The following PPP1R16B variants were observed in gnomAD, a reference collection of about 807,000 sequenced individuals.
The protein encoded by PPP1R16B is protein phosphatase 1 regulatory inhibitor subunit 16B.
PPP1R16B carries 14 observed loss-of-function variants against 61.7 expected under a neutral mutation model. That is an observed-to-expected ratio of 0.23 (90% CI 0.15 to 0.35). The LOEUF (loss-of-function observed/expected upper bound fraction) is 0.35. Ranked by LOEUF, PPP1R16B falls within the 10% of genes least tolerant of loss-of-function variation. The pLI is 1.00. For missense variants in PPP1R16B, 547 were observed against 752.5 expected, an observed-to-expected ratio of 0.73 and a Z score of 3.19; for synonymous variants, 266 against 305.3, an observed-to-expected ratio of 0.87 and a Z score of 1.34.
chr20:38,866,604 T>C (rs1241154096), intron 2 of PPP1R16B, among the ~76,000 whole-genome samples: 1 of 152,068 alleles, frequency 6.6e-6, no homozygotes, highest in Non-Finnish European at 1.5e-5. Context: ...CTTTTTCCCA[T>C]GGAGGGGATA....
intron 10 of PPP1R16B, among the ~76,000 whole-genome samples, chr20:38,916,531 T>C (rs1475727776): frequency 6.6e-6 from 1 of 151,854 alleles, no homozygotes; most frequent in African/African-American, 2.4e-5. Flanking sequence ...AGCATGCCAA[T>C]AGAAGTACTG....
intron 1 of PPP1R16B, among the ~76,000 whole-genome samples, chr20:38,828,986 T>C (rs1338687663): frequency 6.6e-6 from 1 of 152,194 alleles, no homozygotes; most frequent in Non-Finnish European, 1.5e-5. Context: ...AGAAGTGTGT[T>C]GTGGGAAGGC....
intron 2 of PPP1R16B, among the ~76,000 whole-genome samples, chr20:38,854,001 G>C (rs146330161): frequency 1.3e-5 from 2 of 152,252 alleles, no homozygotes; most frequent in Non-Finnish European, 2.9e-5. Flanking sequence ...CTATACAAGC[G>C]CTTGGGTACT....
intron 1 of PPP1R16B, among the ~76,000 whole-genome samples, chr20:38,817,565 C>CA (rs773898309): frequency 0.091 from 4,587 of 50,214 alleles, 150 homozygotes; most frequent in South Asian, 0.15. Flanking sequence ...AACTCCATCT[C>CA]AAAAAAAAAA....
chr20:38,918,451 T>A lies in PPP1R16B; in HGVS notation c.1489T>A (p.Phe497Ile). Reference protein sequence around the residue: ...RAAAKLLSHPFLSTHLGSSMA... With the variant: ...RAAAKLLSHPILSTHLGSSMA... ...TGCAGCCAAGCTGCTCAGCCACCCC[T>A]TCCTTAGCACACACCTGGGCAGCAG... The change falls in exon 11 of 11, where the codon TTC becomes ATC. Residue 497 changes from phenylalanine to isoleucine, a missense_variant. Coordinates refer to ENST00000299824, the MANE Select transcript of PPP1R16B (RefSeq NM_015568.4). The surrounding 1 kb of genome is among the most constrained non-coding windows in gnomAD (Gnocchi z 5.3). 6.2e-7 allele frequency: 1 copy of A among 1,614,158 alleles called. No individual in the cohort carries two copies. Among genetic ancestry groups the A allele is most frequent in the East Asian group, 2.2e-5 (1 of 44,886 alleles).
At chr20:38,823,886 G>A (rs1161017792) in intron 1 of PPP1R16B, among the ~76,000 whole-genome samples, 4 of 151,818 alleles carry the variant, frequency 2.6e-5, no homozygotes, top group African/African-American at 7.3e-5. Context: ...TCCTCTTACC[G>A]TCATGCCTCC....
chr20:38,806,121 T>A lies in PPP1R16B; in HGVS notation c.-102+329T>A, dbSNP rs900070517. Among the ~76,000 whole-genome samples the A allele has an allele frequency of 2.6e-5, 4 of 151,968 alleles. No homozygotes were observed. Among genetic ancestry groups the A allele is most frequent in the African/African-American group, 9.7e-5 (4 of 41,390 alleles). ...ATCTTGGGGCGGGGAGGTGGGGTCC[T>A]CGGTCTGTTCTGGACTCATGGGGCC... is the stretch of plus-strand genomic sequence containing the variant. On this transcript the variant is annotated intron_variant, in intron 1 of 10. Transcript: ENST00000299824. This position sits in a 1 kb window ranked among gnomAD's most constrained non-coding sequence, Gnocchi z 4.5.
At chr20:38,809,063 T>G (rs1018522114) in intron 1 of PPP1R16B, among the ~76,000 whole-genome samples, 10 of 151,900 alleles carry the variant, frequency 6.6e-5, no homozygotes, top group African/African-American at 2.2e-4. Context: ...AAGTGCTCAG[T>G]ACAGCATCTG....
chr20:38,911,802 G>A (rs1406354687), intron 10 of PPP1R16B, among the ~76,000 whole-genome samples: 2 of 152,166 alleles, frequency 1.3e-5, no homozygotes, highest in Admixed American at 1.3e-4. Flanking sequence ...CTCCCAAAGT[G>A]TTGGTATTAC....
chr20:38,871,796 G>A (rs1438769575), intron 2 of PPP1R16B, among the ~76,000 whole-genome samples: 1 of 152,122 alleles, frequency 6.6e-6, no homozygotes, highest in East Asian at 1.9e-4. Context: ...TGTGCCCATG[G>A]TAATGTAACT....
intron 2 of PPP1R16B, 145 bp from the exon 3 acceptor site, chr20:38,889,450 G>C (rs113939835): frequency 1.4e-6 from 1 of 692,100 alleles, no homozygotes; most frequent in Non-Finnish European, 2.6e-6. Flanking sequence ...TGGAAATTCT[G>C]GGCGTCAGTT....
chr20:38,841,344 G>T (rs2084907671), intron 2 of PPP1R16B, among the ~76,000 whole-genome samples: 1 of 119,542 alleles, frequency 8.4e-6, no homozygotes, highest in Non-Finnish European at 1.7e-5. Flanking sequence ...TGGAGAGCCT[G>T]TCTGTACTGA....
intron 2 of PPP1R16B, among the ~76,000 whole-genome samples, chr20:38,881,314 G>T (rs6093099): frequency 0.039 from 6,009 of 152,294 alleles, 380 homozygotes; most frequent in African/African-American, 0.14. Flanking sequence ...GCTCAGTGGG[G>T]TGATTTTTGG....
chr20:38,871,665 G>A (rs2085130669), intron 2 of PPP1R16B, among the ~76,000 whole-genome samples: 1 of 137,286 alleles, frequency 7.3e-6, no homozygotes, highest in Non-Finnish European at 1.6e-5. Context: ...AGGGAGGGAG[G>A]GAGGGAAGGA....
At chr20:38,824,587 C>T (rs568107357) in intron 1 of PPP1R16B, among the ~76,000 whole-genome samples, 1 of 152,346 alleles carries the variant, frequency 6.6e-6, no homozygotes, top group South Asian at 2.1e-4. Context: ...CTGCTCTCTG[C>T]GTTGCCCTCT....
At chr20:38,856,737 T>G (rs4812324) in intron 2 of PPP1R16B, among the ~76,000 whole-genome samples, 3 of 152,088 alleles carry the variant, frequency 2.0e-5, no homozygotes, top group Non-Finnish European at 4.4e-5. Context: ...ATAGGAACCG[T>G]TAGTAACCCC....
intron 10 of PPP1R16B, among the ~76,000 whole-genome samples, chr20:38,910,653 C>G (rs1179074756): frequency 2.6e-5 from 4 of 151,822 alleles, no homozygotes; most frequent in Admixed American, 6.6e-5. Context: ...CCCACCTCAG[C>G]CTCTTGGGTA....
chr20:38,815,529 C>A (rs1202029959), intron 1 of PPP1R16B, among the ~76,000 whole-genome samples: 1 of 152,152 alleles, frequency 6.6e-6, no homozygotes, highest in East Asian at 1.9e-4. Context: ...TGATTTTATT[C>A]ATAAGGAAAA....
At chr20:38,825,066 G>T (rs1285324109) in intron 1 of PPP1R16B, among the ~76,000 whole-genome samples, 1 of 152,250 alleles carries the variant, frequency 6.6e-6, no homozygotes, top group Non-Finnish European at 1.5e-5. Context: ...GAGATAGCTT[G>T]TTAGGGATAT....
Sources: gnomAD v4.1 joint callset for allele counts (sites outside exome capture counted in the v4.1 genomes callset) on GRCh38, gnomAD v4.1.1 for gene constraint, Gnocchi (gnomAD v3.1) non-coding constraint, MANE v1.5 for transcripts, NCBI Gene and HGNC (gene_info 2026-07-23, HGNC 2026-07-21) for gene names.